SYN3: variants seen among roughly 807,000 people sequenced by gnomAD.
SYN3 encodes synapsin-3.
Under a neutral mutation model 65.8 loss-of-function variants are expected in SYN3, and 35 were observed. The ratio of observed to expected loss-of-function variants is 0.53; its 90% CI spans 0.41 to 0.70. SYN3 has a LOEUF of 0.70. Ranked by LOEUF, SYN3 falls within the 30% of genes least tolerant of loss-of-function variation. SYN3 has a pLI of 0.00. For missense variants in SYN3, 680 were observed against 749.0 expected, an observed-to-expected ratio of 0.91 and a Z score of 1.08; for synonymous variants, 270 against 292.9, an observed-to-expected ratio of 0.92 and a Z score of 0.80.
intron 7 of SYN3, among the ~76,000 whole-genome samples, chr22:32,565,880 T>C (rs748659361): frequency 8.2e-4 from 125 of 152,042 alleles, no homozygotes; most frequent in Non-Finnish European, 1.5e-3. Context: ...GCCCAGCTAA[T>C]TTTTTGTATT....
chr22:32,622,178 T>A (rs1242016432), intron 6 of SYN3, among the ~76,000 whole-genome samples: 1 of 151,988 alleles, frequency 6.6e-6, no homozygotes, highest in African/African-American at 2.4e-5. Context: ...AAGTCCACTT[T>A]GTCCTGGAGA....
At chr22:32,554,056 A>G (rs1449405976) in intron 7 of SYN3, among the ~76,000 whole-genome samples, 2 of 152,110 alleles carry the variant, frequency 1.3e-5, no homozygotes, top group African/African-American at 4.8e-5. Flanking sequence ...GCCCAGGCCA[A>G]ATGTCAGGCT....
chr22:32,753,802 C>T (rs62234595), intron 6 of SYN3, among the ~76,000 whole-genome samples: 7,496 of 152,106 alleles, frequency 0.049, 229 homozygotes, highest in Non-Finnish European at 0.066. Context: ...AATGAGAGAG[C>T]CAGGGGGGTC....
At chr22:32,690,293 G>A (rs1406763707) in intron 6 of SYN3, among the ~76,000 whole-genome samples, 1 of 152,202 alleles carries the variant, frequency 6.6e-6, no homozygotes, top group African/African-American at 2.4e-5. Context: ...ATCTGCTAGT[G>A]CCTTGACCTT....
chr22:33,047,074 C>T (rs1189584514), intron 1 of SYN3, among the ~76,000 whole-genome samples: 1 of 152,100 alleles, frequency 6.6e-6, no homozygotes, highest in Non-Finnish European at 1.5e-5. Flanking sequence ...TTACTCCTTA[C>T]ACAGGTCTTC....
chr22:33,006,899 C>A (rs1016355414), intron 1 of SYN3, 75 bp from the exon 2 acceptor site: 2 of 391,606 alleles, frequency 5.1e-6, no homozygotes, highest in Non-Finnish European at 9.1e-6. Context: ...CAGCGCTTTC[C>A]TGCCCCACTG....
At position 32,865,767 on chromosome 22, in the gene SYN3, C is replaced by T. The variant is rs1280322215; in HGVS notation, c.622-763G>A. Reference sequence around the variant, plus strand: ...TATGCTTTATTATTGGAGCAACAAGCTGAATATGGGGGCAAGGCCTGAAGG... The same window carrying T: ...TATGCTTTATTATTGGAGCAACAAGTTGAATATGGGGGCAAGGCCTGAAGG... On this transcript the variant is annotated intron_variant, in intron 5 of 13. Coordinates refer to ENST00000358763, the MANE Select transcript of SYN3 (RefSeq NM_003490.4). Among the ~76,000 whole-genome samples the T allele has an allele frequency of 3.3e-5, 5 of 152,098 alleles. No homozygotes were observed. In the East Asian group the frequency reaches 9.7e-4, roughly 29 times the overall value.
At chr22:32,891,816 CCT>C (rs2049455894) in intron 4 of SYN3, among the ~76,000 whole-genome samples, 1 of 152,002 alleles carries the variant, frequency 6.6e-6, no homozygotes, top group Admixed American at 6.5e-5. Flanking sequence ...GCTACTAAGC[CCT>C]CTGAGCCTCA....
chr22:32,820,909 G>A (rs1009852201), intron 6 of SYN3, among the ~76,000 whole-genome samples: 6 of 152,158 alleles, frequency 3.9e-5, no homozygotes, highest in Non-Finnish European at 8.8e-5. Flanking sequence ...TTCTCTCACT[G>A]CTTATTTTAT....
chr22:32,538,248 C>A (rs2058197564), intron 8 of SYN3, 138 bp from the exon 9 acceptor site: 1 of 681,292 alleles, frequency 1.5e-6, no homozygotes, highest in Non-Finnish European at 2.7e-6. Context: ...ACGTACACAC[C>A]TTGTCTTCAA....
At chr22:32,636,004 C>T (rs1355244622) in intron 6 of SYN3, among the ~76,000 whole-genome samples, 3 of 152,048 alleles carry the variant, frequency 2.0e-5, no homozygotes, top group African/African-American at 7.2e-5. Flanking sequence ...CTTAAGGTAT[C>T]GATGTAGAAG....
chr22:32,909,078 C>T (rs1210111191), intron 4 of SYN3, among the ~76,000 whole-genome samples: 1 of 152,134 alleles, frequency 6.6e-6, no homozygotes, highest in Admixed American at 6.6e-5. Context: ...TTTACGAAGC[C>T]CCTTCCCTGG....
chr22:32,932,808 T>G (rs1261310671), intron 3 of SYN3, among the ~76,000 whole-genome samples: 1 of 152,166 alleles, frequency 6.6e-6, no homozygotes, highest in Non-Finnish European at 1.5e-5. Context: ...CAGCATAAAT[T>G]CATTCTCCAC....
chr22:33,045,529 A>G (rs950888947), intron 1 of SYN3, among the ~76,000 whole-genome samples: 1 of 125,608 alleles, frequency 8.0e-6, no homozygotes, highest in South Asian at 2.5e-4. Context: ...GTGCAGTGGC[A>G]TGATCTCAGC....
intron 1 of SYN3, among the ~76,000 whole-genome samples, chr22:33,038,452 C>T (rs2053899509): frequency 6.6e-6 from 1 of 152,170 alleles, no homozygotes; most frequent in African/African-American, 2.4e-5. Context: ...TTCCAGCCCA[C>T]CCACGCTCTC....
intron 6 of SYN3, among the ~76,000 whole-genome samples, chr22:32,765,111 T>A (rs1435083979): frequency 6.6e-6 from 1 of 151,806 alleles, no homozygotes. Context: ...TTTTCCCTGG[T>A]TTGAGAGCGA....
intron 1 of SYN3, among the ~76,000 whole-genome samples, chr22:33,044,413 G>A (rs1023245414): frequency 3.3e-5 from 5 of 152,018 alleles, no homozygotes; most frequent in African/African-American, 1.2e-4. Context: ...TAATAACTGA[G>A]GAGCTGATGA....
intron 6 of SYN3, among the ~76,000 whole-genome samples, chr22:32,650,145 T>C (rs529007136): frequency 1.3e-5 from 2 of 152,240 alleles, no homozygotes; most frequent in Non-Finnish European, 2.9e-5. Context: ...CCAACAGTTA[T>C]GACAACGGCC....
At chr22:32,992,117 C>G (rs1035735313) in intron 2 of SYN3, among the ~76,000 whole-genome samples, 3 of 152,208 alleles carry the variant, frequency 2.0e-5, no homozygotes, top group Admixed American at 1.3e-4. Flanking sequence ...GGAGAAAACA[C>G]GACTCACAAG....
Sources: gnomAD v4.1 joint callset for allele counts (sites outside exome capture counted in the v4.1 genomes callset) on GRCh38, gnomAD v4.1.1 for gene constraint, MANE v1.5 for transcripts, NCBI Gene and HGNC (gene_info 2026-07-23, HGNC 2026-07-21) for gene names.